The following RNF169 variants were observed in gnomAD, a reference collection of about 807,000 sequenced individuals.
RNF169 encodes ring finger protein 169.
RNF169 carries 24 observed loss-of-function variants against 53.9 expected under a neutral mutation model. That is an observed-to-expected ratio of 0.45 (90% CI 0.32 to 0.63). The LOEUF is 0.63. Among genes scored for constraint, RNF169 ranks in the 20% least tolerant of loss-of-function variants. The pLI is 0.04. For missense variants in RNF169, 883 were observed against 906.2 expected, an observed-to-expected ratio of 0.97 and a Z score of 0.33; for synonymous variants, 396 against 363.5, an observed-to-expected ratio of 1.09 and a Z score of -1.02.
At chr11:74,799,421 A>T (rs570940463) in intron 2 of RNF169, among the ~76,000 whole-genome samples, 13 of 152,204 alleles carry the variant, frequency 8.5e-5, no homozygotes, top group Non-Finnish European at 1.9e-4. Flanking sequence ...TTATCAAATA[A>T]TGTGCTTTTC....
rs2036278989 is a variant in RNF169 at position 74,837,748 on chromosome 11, C to T, written c.*1018C>T. 2 of 152,242 alleles carry T rather than the reference C, an allele frequency of 1.3e-5. 1 individual carries two copies. The highest frequency in any genetic ancestry group is 4.8e-5 in the African/African-American group (2 of 41,450). 9.4% of individuals were successfully genotyped at this position (152,242 alleles called of 1,614,324 possible). A position where few individuals can be genotyped will look rare whatever the true frequency, so the allele number is the denominator to read the frequency against. Reference sequence around the variant, plus strand: ...AATCACCCTGAAGTCAGGCAAGGAACAATACTTAAACTCCATACTATGGAA... The same window carrying T: ...AATCACCCTGAAGTCAGGCAAGGAATAATACTTAAACTCCATACTATGGAA... On this transcript the variant is annotated 3_prime_UTR_variant, in exon 6 of 6. Coordinates refer to ENST00000299563, the MANE Select transcript of RNF169 (RefSeq NM_001098638.2).
chr11:74,806,430 C>G (rs2035806450), intron 2 of RNF169, among the ~76,000 whole-genome samples: 1 of 152,148 alleles, frequency 6.6e-6, no homozygotes, highest in Non-Finnish European at 1.5e-5. Flanking sequence ...GGCTGCGTAC[C>G]TTATGACTCA....
chr11:74,797,246 T>G (rs957339672), intron 2 of RNF169, among the ~76,000 whole-genome samples: 3 of 152,226 alleles, frequency 2.0e-5, no homozygotes, highest in African/African-American at 7.2e-5. Context: ...ATTTTAAAGT[T>G]TCCTTTTATT....
At chr11:74,766,739 A>C (rs2035179924) in intron 1 of RNF169, among the ~76,000 whole-genome samples, 2 of 152,188 alleles carry the variant, frequency 1.3e-5, no homozygotes, top group African/African-American at 2.4e-5. Flanking sequence ...CTAATAATAT[A>C]TTTGAAACTT....
intron 1 of RNF169, among the ~76,000 whole-genome samples, chr11:74,750,105 A>G (rs1031639438): frequency 1.3e-5 from 2 of 152,080 alleles, no homozygotes; most frequent in African/African-American, 4.8e-5. Flanking sequence ...TGGGTTTCCT[A>G]CTGGCTTGCT....
At chr11:74,768,344 C>T (rs1192545172) in intron 1 of RNF169, among the ~76,000 whole-genome samples, 4 of 151,576 alleles carry the variant, frequency 2.6e-5, no homozygotes, top group Admixed American at 6.6e-5. Flanking sequence ...TGGTGGCTCA[C>T]GCCTGTAATC....
intron 4 of RNF169, among the ~76,000 whole-genome samples, chr11:74,830,408 A>T (rs926488166): frequency 3.9e-5 from 6 of 152,174 alleles, no homozygotes; most frequent in African/African-American, 1.2e-4. Flanking sequence ...ATGCCAACAG[A>T]TTAGATAATT....
At position 74,840,168 on chromosome 11, in the gene RNF169, A is replaced by G. The variant is rs575203084; in HGVS notation, c.*3438A>G. ...GCTCATCCTTTCTTTTCTATTTGAC[A>G]GACATTTACTGAGCTTCAGACTTGA... On this transcript the variant is annotated 3_prime_UTR_variant, in exon 6 of 6. Transcript: ENST00000299563. The G allele has an allele frequency of 3.6e-4, 55 of 152,344 alleles. No individual in the cohort carries two copies. The highest frequency in any genetic ancestry group is 1.2e-3 in the African/African-American group (48 of 41,584). The allele number at this position is 152,344 out of a possible 1,614,324, so 9.4% of individuals were successfully genotyped here. A position where few individuals can be genotyped will look rare whatever the true frequency, so the allele number is the denominator to read the frequency against.
chr11:74,771,389 T>G (rs1046597077), intron 1 of RNF169, among the ~76,000 whole-genome samples: 3 of 152,236 alleles, frequency 2.0e-5, no homozygotes, highest in African/African-American at 7.2e-5. Context: ...ACACAGACTT[T>G]GTTTTATGCA....
Position 74,836,874 on chromosome 11 carries a change from C to A in RNF169, c.*144C>A. The A allele has an allele frequency of 1.5e-6, 1 of 649,868 alleles. No individual in the cohort carries two copies. Among genetic ancestry groups the A allele is most frequent in the Non-Finnish European group, 2.6e-6 (1 of 391,396 alleles). 40.3% of individuals were successfully genotyped at this position (649,868 alleles called of 1,614,324 possible). A position where few individuals can be genotyped will look rare whatever the true frequency, so the allele number is the denominator to read the frequency against. ...TGAGAGGTTCCAGGGCCTTTGTAGT[C>A]AATATCCAAGGGAAAAGCATCTCCG... On this transcript the variant is annotated 3_prime_UTR_variant, in exon 6 of 6. Transcript: ENST00000299563.
intron 4 of RNF169, among the ~76,000 whole-genome samples, chr11:74,834,063 CA>C (rs969833633): frequency 6.6e-6 from 1 of 152,128 alleles, no homozygotes; most frequent in Non-Finnish European, 1.5e-5. Flanking sequence ...TAGTGGACTT[CA>C]GTATAGAATC....
intron 2 of RNF169, among the ~76,000 whole-genome samples, chr11:74,794,005 G>A (rs1034962788): frequency 1.3e-5 from 2 of 152,048 alleles, no homozygotes; most frequent in South Asian, 4.1e-4. Flanking sequence ...TATATTCATT[G>A]GTTAATGAAA....
At chr11:74,804,766 A>G (rs1157844996) in intron 2 of RNF169, among the ~76,000 whole-genome samples, 1 of 152,166 alleles carries the variant, frequency 6.6e-6, no homozygotes, top group Non-Finnish European at 1.5e-5. Context: ...TGTTTGCTTG[A>G]AGTTTCAGTT....
chr11:74,812,984 C>T (rs1247343489), intron 3 of RNF169, among the ~76,000 whole-genome samples: 1 of 152,204 alleles, frequency 6.6e-6, no homozygotes, highest in Non-Finnish European at 1.5e-5. Flanking sequence ...TTTTCAAGGT[C>T]TTTGCTCTTG....
intron 1 of RNF169, among the ~76,000 whole-genome samples, chr11:74,770,839 T>C (rs2035249378): frequency 6.6e-6 from 1 of 152,208 alleles, no homozygotes; most frequent in Non-Finnish European, 1.5e-5. Context: ...GGAGTCTTGC[T>C]CTGTTGCTTA....
intron 3 of RNF169, among the ~76,000 whole-genome samples, chr11:74,815,322 G>A (rs546956697): frequency 5.2e-4 from 79 of 152,238 alleles, no homozygotes; most frequent in Non-Finnish European, 9.7e-4. Context: ...TTGGGAGGCC[G>A]AGGCGGGCAG....
At chr11:74,801,924 C>T (rs2035737006) in intron 2 of RNF169, among the ~76,000 whole-genome samples, 1 of 152,112 alleles carries the variant, frequency 6.6e-6, no homozygotes, top group Non-Finnish European at 1.5e-5. Flanking sequence ...GAACCGTTGG[C>T]CCAGAGATAA....
At chr11:74,820,443 C>T (rs2035993962) in intron 4 of RNF169, among the ~76,000 whole-genome samples, 1 of 151,310 alleles carries the variant, frequency 6.6e-6, no homozygotes, top group African/African-American at 2.4e-5. Context: ...GAAATGAGGC[C>T]AGGGCATGAA....
intron 1 of RNF169, among the ~76,000 whole-genome samples, chr11:74,773,700 G>GA (rs1426410183): frequency 6.6e-6 from 1 of 152,166 alleles, no homozygotes. Context: ...TAGTATTCTG[G>GA]AAAGGAGACA....
Sources: allele counts gnomAD v4.1 joint callset (sites outside exome capture counted in the v4.1 genomes callset), GRCh38; gene constraint gnomAD v4.1.1; transcripts MANE v1.5; gene names NCBI Gene and HGNC (gene_info 2026-07-23, HGNC 2026-07-21).